PCDH19: variants seen among roughly 807,000 people sequenced by gnomAD.
PCDH19 encodes the protein protocadherin-19.
Under a neutral mutation model 46.2 loss-of-function variants are expected in PCDH19, and 6 were observed. The ratio of observed to expected loss-of-function variants is 0.13; its 90% confidence interval spans 0.07 to 0.26. PCDH19 has a LOEUF of 0.26. PCDH19 is among the 10% of genes least tolerant of loss of function. The pLI, the probability that PCDH19 is intolerant of heterozygous loss-of-function variation, is 1.00. For synonymous variants in PCDH19, 481 were observed against 415.7 expected, an observed-to-expected ratio of 1.16 and a Z score of -1.91; for missense variants, 740 against 972.3, an observed-to-expected ratio of 0.76 and a Z score of 3.18.
chrX:100,391,335 G>T (rs768848485), intron 3 of PCDH19, among the ~76,000 whole-genome samples: 77 of 111,635 alleles, frequency 6.9e-4, no homozygotes, highest in Non-Finnish European at 1.1e-3. Flanking sequence ...ATGAAGCAAG[G>T]TTAGAATACC....
At chrX:100,321,324 A>G (rs1387651614) in intron 5 of PCDH19, among the ~76,000 whole-genome samples, 1 of 111,999 alleles carries the variant, frequency 8.9e-6, no homozygotes, top group African/African-American at 3.3e-5. Context: ...TTCTACCTTT[A>G]GATCTTTAAG....
intron 2 of PCDH19, 34 bp from the exon 3 acceptor site, chrX:100,402,885 C>T: frequency 9.2e-7 from 1 of 1,082,103 alleles, no homozygotes; most frequent in Non-Finnish European, 1.3e-6. Flanking sequence ...GAATCACTAA[C>T]ACCCTCCCAA....
chrX:100,338,870 A>C, intron 5 of PCDH19, among the ~76,000 whole-genome samples: 1 of 112,131 alleles, frequency 8.9e-6, no homozygotes, highest in Non-Finnish European at 1.9e-5. Context: ...TCCTTGAACA[A>C]ACCATTCCTG....
intron 3 of PCDH19, among the ~76,000 whole-genome samples, chrX:100,364,441 G>T (rs187400562): frequency 9.0e-6 from 1 of 111,654 alleles, no homozygotes; most frequent in East Asian, 2.8e-4. Flanking sequence ...ACCACATGTG[G>T]CTACCATGTC....
Position 100,330,460 on chromosome X carries a change from G to C in PCDH19, c.2848+11443C>G, listed in dbSNP as rs992072009. On this transcript the variant is annotated intron_variant, in intron 5 of 5. Transcript: ENST00000373034. ...AAAATATATCTCTGGCATTGGACTT[G>C]GATTTGCAAACCCATGACTTGGAAG... Among the ~76,000 whole-genome samples, 3 of 112,310 alleles carry C rather than the reference G, an allele frequency of 2.7e-5. No individual in the cohort carries two copies. The East Asian group carries it at 8.4e-4, about 31-fold the overall frequency.
chrX:100,323,793 T>C (rs1925594915), intron 5 of PCDH19, among the ~76,000 whole-genome samples: 1 of 111,896 alleles, frequency 8.9e-6, no homozygotes, highest in Non-Finnish European at 1.9e-5. Flanking sequence ...TTAAAAATTA[T>C]TTCTATTCTC....
intron 5 of PCDH19, among the ~76,000 whole-genome samples, chrX:100,304,925 TG>T (rs1924893263): frequency 8.9e-6 from 1 of 112,418 alleles, no homozygotes. Context: ...TTTGGGACTA[TG>T]TTAAGCATCC....
Position 100,410,252 on chromosome X carries a change from C to T in PCDH19, c.-1655G>A, listed in dbSNP as rs1330325323. ...CGCCGCCGCTACTGCTGCTGCTGCT[C>T]CTCCGGATGCCGCAAACTACTGGCC... On this transcript the variant is annotated 5_prime_UTR_variant, in exon 1 of 6. Coordinates refer to ENST00000373034, the MANE Select transcript of PCDH19 (RefSeq NM_001184880.2). 4.4e-5 allele frequency: 13 copies of T among 296,938 alleles called. No homozygotes were observed. The highest frequency in any genetic ancestry group is 3.6e-4 in the African/African-American group (13 of 36,553). 24.5% of individuals were successfully genotyped at this position (296,938 alleles called of 1,213,427 possible). A position where few individuals can be genotyped will look rare whatever the true frequency, so the allele number is the denominator to read the frequency against.
At chrX:100,368,045 C>G (rs1275759199) in intron 3 of PCDH19, among the ~76,000 whole-genome samples, 2 of 111,560 alleles carry the variant, frequency 1.8e-5, no homozygotes, top group Non-Finnish European at 3.8e-5. Context: ...TCTACAGCCA[C>G]AAATCCAGCT....
chrX:100,370,324 ACAAATAACCAAACT>A (rs1927180934), intron 3 of PCDH19, among the ~76,000 whole-genome samples: 3 of 112,339 alleles, frequency 2.7e-5, no homozygotes, highest in Non-Finnish European at 5.6e-5. Flanking sequence ...AGAAATCAGC[ACAAATAACCAAACT>A]GTTGTCTACT....
At chrX:100,380,148 G>A (rs1462605167) in intron 3 of PCDH19, among the ~76,000 whole-genome samples, 4 of 112,100 alleles carry the variant, frequency 3.6e-5, no homozygotes, top group Non-Finnish European at 7.5e-5. Flanking sequence ...GAATGGCTGT[G>A]TGTTGGATTC....
intron 5 of PCDH19, among the ~76,000 whole-genome samples, chrX:100,335,653 C>T (rs943231964): frequency 7.2e-5 from 8 of 111,472 alleles, no homozygotes; most frequent in Non-Finnish European, 9.4e-5. Context: ...ATTGAGCTGG[C>T]CTTGGTCACC....
At chrX:100,297,320 A>G (rs1239191105) in intron 5 of PCDH19, among the ~76,000 whole-genome samples, 1 of 110,906 alleles carries the variant, frequency 9.0e-6, no homozygotes, top group East Asian at 2.8e-4. Context: ...GAACAACAGC[A>G]CTGCCAAACA....
chrX:100,330,453 T>G (rs1413979120), intron 5 of PCDH19, among the ~76,000 whole-genome samples: 1 of 112,541 alleles, frequency 8.9e-6, no homozygotes, highest in East Asian at 2.8e-4. Flanking sequence ...TCTCTGGCAT[T>G]GGACTTGGAT....
chrX:100,325,337 T>C (rs932049594), intron 5 of PCDH19, among the ~76,000 whole-genome samples: 2 of 108,570 alleles, frequency 1.8e-5, no homozygotes, highest in African/African-American at 6.7e-5. Flanking sequence ...CAGTAGGTCA[T>C]GGCATTAAAG....
intron 4 of PCDH19, among the ~76,000 whole-genome samples, chrX:100,346,576 T>A (rs1328456785): frequency 8.9e-6 from 1 of 111,931 alleles, no homozygotes; most frequent in Non-Finnish European, 1.9e-5. Context: ...AGTGCTAGTC[T>A]TTAATAGAAA....
In PCDH19 at chrX:100,407,752, G is replaced by T; in HGVS notation, c.846C>A (p.Asn282Lys). The change falls in exon 1 of 6, where the codon AAC becomes AAA. Residue 282 changes from asparagine (N) to lysine (K), a missense_variant. Transcript: ENST00000373034. ...TCTGAAAGAGCTCGCGCGTGCGGTC[G>T]TTGACGTAGCCATAGAAGGAGTAGA... The part of the protein sequence containing the change: ...QVVYSFYGYV[N>K]DRTRELFQID... The T allele has an allele frequency of 8.2e-7, 1 of 1,212,267 alleles. No individual in the cohort carries two copies. The highest frequency in any genetic ancestry group is 1.1e-6 in the Non-Finnish European group (1 of 895,616).
Position 100,323,457 on chromosome X carries a change from A to T in PCDH19, c.2848+18446T>A, listed in dbSNP as rs1040501811. 6.3e-5 allele frequency among the ~76,000 whole-genome samples: 7 copies of T among 111,970 alleles called. No individual in the cohort carries two copies. The East Asian group carries it at 2.0e-3, about 32-fold the overall frequency. On this transcript the variant is annotated intron_variant, in intron 5 of 5. Coordinates refer to ENST00000373034, the MANE Select transcript of PCDH19 (RefSeq NM_001184880.2). The stretch of plus-strand genomic sequence containing the variant: ...TGCCCTGAAGTCACATAATATATCC[A>T]GGAAACACAAACTCTCTTCTGATCC...
intron 1 of PCDH19, among the ~76,000 whole-genome samples, chrX:100,405,017 A>G: frequency 8.9e-6 from 1 of 112,372 alleles, no homozygotes; most frequent in Middle Eastern, 4.6e-3. Flanking sequence ...TTTATGAGGC[A>G]TTGCAGCTGC....
Sources: gnomAD v4.1 joint callset for allele counts (sites outside exome capture counted in the v4.1 genomes callset) on GRCh38, gnomAD v4.1.1 for gene constraint, MANE v1.5 for transcripts, NCBI Gene and HGNC (gene_info 2026-07-23, HGNC 2026-07-21) for gene names.